Variants in ACSBG1 observed in about 807,000 individuals in gnomAD.
ACSBG1 encodes the protein long-chain-fatty-acid--CoA ligase ACSBG1.
In ACSBG1, 39 loss-of-function variants were observed where a neutral mutation model predicts 80.2. The observed-to-expected ratio is 0.49, with a 90% CI of 0.38 to 0.64. The LOEUF (loss-of-function observed/expected upper bound fraction) is 0.64, where lower values mean the gene tolerates loss of function less well. Among genes scored for constraint, ACSBG1 ranks in the 30% least tolerant of loss-of-function variants. ACSBG1 has a pLI of 0.00. For synonymous variants in ACSBG1, 392 were observed against 379.5 expected, an observed-to-expected ratio of 1.03 and a Z score of -0.38; for missense variants, 828 against 966.4, an observed-to-expected ratio of 0.86 and a Z score of 1.90.
intron 2 of ACSBG1, 37 bp downstream of exon 2, chr15:78,207,965 C>A: frequency 1.3e-6 from 1 of 743,062 alleles, no homozygotes; most frequent in South Asian, 1.4e-5. Flanking sequence ...GCACAGTTTC[C>A]CGCCCTGCCC....
intron 2 of ACSBG1, among the ~76,000 whole-genome samples, chr15:78,204,927 A>G (rs1421520857): frequency 1.3e-5 from 2 of 152,172 alleles, no homozygotes; most frequent in Non-Finnish European, 2.9e-5. Context: ...AAAGGGCTTC[A>G]CTGGACTGGA....
intron 10 of ACSBG1, chr15:78,179,104 T>C (rs945139887): frequency 1.0e-5 from 5 of 502,196 alleles, no homozygotes; most frequent in South Asian, 7.3e-5. Context: ...TTAATCATAA[T>C]AGATGATCCT....
chr15:78,177,439 C>T lies in ACSBG1; in HGVS notation c.1702+1175G>A, dbSNP rs563522478. Among the ~76,000 whole-genome samples the T allele has an allele frequency of 6.6e-6, 1 of 152,322 alleles. No homozygotes were observed. Among genetic ancestry groups the T allele is most frequent in the African/African-American group, 2.4e-5 (1 of 41,552 alleles). On this transcript the variant is annotated intron_variant, in intron 11 of 13. Coordinates refer to ENST00000258873, the MANE Select transcript of ACSBG1 (RefSeq NM_015162.5). This position sits in a 1 kb window ranked among gnomAD's most constrained non-coding sequence, Gnocchi z 4.1. ...GGAGAAAAGCTATTTGGACCCTTAC[C>T]TCTCACTATACTAGTTCTAAAAGGA... is the stretch of plus-strand genomic sequence containing the variant.
chr15:78,200,992 T>A (rs2141358128), intron 2 of ACSBG1, among the ~76,000 whole-genome samples: 1 of 152,322 alleles, frequency 6.6e-6, no homozygotes, highest in East Asian at 1.9e-4. Context: ...GTTCCCCGTC[T>A]CTGTGCCTTT....
chr15:78,186,439 G>A (rs2075005444), intron 5 of ACSBG1, among the ~76,000 whole-genome samples: 1 of 152,256 alleles, frequency 6.6e-6, no homozygotes, highest in South Asian at 2.1e-4. Context: ...GCTCTCCTCA[G>A]CAAATGTAAA....
chr15:78,221,955 C>T lies in ACSBG1; in HGVS notation c.131+12416G>A, dbSNP rs139670784. ...CATCTCAAAGCAGAAACAATTTTTTCTTTGTACAGATCAAAATGGAGTTTC... is the reference window on the plus strand; with the variant it reads ...CATCTCAAAGCAGAAACAATTTTTTTTTTGTACAGATCAAAATGGAGTTTC... On this transcript the variant is annotated intron_variant, in intron 1 of 13. Coordinates refer to ENST00000258873, the MANE Select transcript of ACSBG1 (RefSeq NM_015162.5). 2.1e-3 allele frequency among the ~76,000 whole-genome samples: 321 copies of T among 152,272 alleles called. 1 individual carries two copies. Among genetic ancestry groups the T allele is most frequent in the African/African-American group, 6.8e-3 (282 of 41,548 alleles).
At chr15:78,189,554 A>T (rs2075038106) in intron 5 of ACSBG1, among the ~76,000 whole-genome samples, 1 of 152,182 alleles carries the variant, frequency 6.6e-6, no homozygotes, top group Non-Finnish European at 1.5e-5. Context: ...CATCATTCTC[A>T]GTAAACTATC....
intron 5 of ACSBG1, among the ~76,000 whole-genome samples, chr15:78,188,057 C>A (rs35547526): frequency 0.28 from 42,851 of 151,978 alleles, 6,958 homozygotes; most frequent in Non-Finnish European, 0.37. Context: ...TCAAATCATG[C>A]GTGAACTCCC....
chr15:78,192,874 G>C (rs62011375), intron 5 of ACSBG1, among the ~76,000 whole-genome samples: 1 of 152,116 alleles, frequency 6.6e-6, no homozygotes, highest in Non-Finnish European at 1.5e-5. Flanking sequence ...TGCCTTAAAG[G>C]CTGTTGGGTT....
chr15:78,182,784 A>G lies in ACSBG1; in HGVS notation c.665T>C (p.Ile222Thr). Residue 222 changes from isoleucine (I) to threonine (T), a missense_variant and splice_region_variant, in exon 6 of 14, where the codon ATC becomes ACC. By Grantham distance (89) the Ile-to-Thr change is moderately conservative. Coordinates refer to ENST00000258873, the MANE Select transcript of ACSBG1 (RefSeq NM_015162.5). ...TQKQLEKILK[I>T]WKQLPHLKAV... ...CTTTAGATGTGGCAACTGTTTCCAG[A>G]TCTGCATTGACAGGAAAAATAGATC... The G allele has an allele frequency of 1.2e-6, 2 of 1,614,176 alleles. No individual in the cohort carries two copies. The highest frequency in any genetic ancestry group is 1.7e-6 in the Non-Finnish European group (2 of 1,180,040).
chr15:78,210,972 T>C (rs2075261359), intron 1 of ACSBG1, among the ~76,000 whole-genome samples: 1 of 152,356 alleles, frequency 6.6e-6, no homozygotes, highest in South Asian at 2.1e-4. Flanking sequence ...CTACTTTCAG[T>C]GTGCTGGCTT....
At chr15:78,197,487 A>G (rs1404338874) in intron 2 of ACSBG1, among the ~76,000 whole-genome samples, 1 of 152,072 alleles carries the variant, frequency 6.6e-6, no homozygotes, top group Non-Finnish European at 1.5e-5. Flanking sequence ...GGGAGGCCAA[A>G]GTGGGCGGAT....
At chr15:78,212,261 C>A (rs1212620075) in intron 1 of ACSBG1, among the ~76,000 whole-genome samples, 1 of 152,200 alleles carries the variant, frequency 6.6e-6, no homozygotes, top group African/African-American at 2.4e-5. Flanking sequence ...CACGGTTCCT[C>A]TCTGGCCCTC....
chr15:78,193,412 T>G (rs2075075458), intron 5 of ACSBG1, 94 bp downstream of exon 5: 2 of 1,516,934 alleles, frequency 1.3e-6, no homozygotes, highest in Admixed American at 3.9e-5. Flanking sequence ...GAGGACACTC[T>G]GGATGGAGGG....
In ACSBG1 at chr15:78,227,759, A is replaced by T. The variant is rs180895969; in HGVS notation, c.131+6612T>A. 8.8e-4 allele frequency among the ~76,000 whole-genome samples: 134 copies of T among 152,254 alleles called. 1 individual carries two copies. The highest frequency in any genetic ancestry group is 2.6e-3 in the African/African-American group (106 of 41,546). ...AATGCCCATCAATAGATTAATGGAT[A>T]AAAAAAATTGTAGTATAGCCACACA... On this transcript the variant is annotated intron_variant, in intron 1 of 13. Coordinates refer to ENST00000258873, the MANE Select transcript of ACSBG1 (RefSeq NM_015162.5).
chr15:78,211,283 C>G (rs762531086), intron 1 of ACSBG1, among the ~76,000 whole-genome samples: 1 of 152,190 alleles, frequency 6.6e-6, no homozygotes. Context: ...ATGAGCACGC[C>G]GAAGGCGATT....
chr15:78,192,222 C>G (rs1303010064), intron 5 of ACSBG1, among the ~76,000 whole-genome samples: 1 of 152,112 alleles, frequency 6.6e-6, no homozygotes, highest in Non-Finnish European at 1.5e-5. Context: ...AAGTGCCCAC[C>G]AAGAGTCAGA....
Position 78,169,767 on chromosome 15 carries a change from T to C in ACSBG1, c.*1677A>G, listed in dbSNP as rs1449209730. 2.0e-5 allele frequency: 3 copies of C among 152,256 alleles called. No individual in the cohort carries two copies. Among genetic ancestry groups the C allele is most frequent in the Non-Finnish European group, 4.4e-5 (3 of 68,036 alleles). 9.4% of individuals were successfully genotyped at this position (152,256 alleles called of 1,614,324 possible). The stretch of plus-strand genomic sequence containing the variant: ...CAGAGAGCTAGTACTTCATTTTCAC[T>C]GGATACATTTTCAGCATCATGAGTT... On this transcript the variant is annotated 3_prime_UTR_variant, in exon 14 of 14. Transcript: ENST00000258873.
intron 11 of ACSBG1, among the ~76,000 whole-genome samples, chr15:78,176,682 T>C (rs1325314222): frequency 3.3e-5 from 5 of 152,162 alleles, no homozygotes. Context: ...CCCAGCACTT[T>C]AGGAAGCTGA....
Sources: gnomAD v4.1 joint callset for allele counts (sites outside exome capture counted in the v4.1 genomes callset) on GRCh38, gnomAD v4.1.1 for gene constraint, Gnocchi (gnomAD v3.1) non-coding constraint, MANE v1.5 for transcripts, NCBI Gene and HGNC (gene_info 2026-07-23, HGNC 2026-07-21) for gene names.